Variants in PHACTR1 observed in about 807,000 individuals in gnomAD.
PHACTR1 encodes RPEL repeat containing 1.
PHACTR1 carries 16 observed loss-of-function variants against 69.2 expected under a neutral mutation model. That is an observed-to-expected ratio of 0.23 (90% CI 0.16 to 0.35). The LOEUF (loss-of-function observed/expected upper bound fraction) is 0.35. PHACTR1 is among the 10% of genes least tolerant of loss of function. The pLI is 1.00. For missense variants in PHACTR1, 510 were observed against 734.7 expected, an observed-to-expected ratio of 0.69 and a Z score of 3.54; for synonymous variants, 312 against 284.5, an observed-to-expected ratio of 1.10 and a Z score of -0.97.
At chr6:13,023,104 C>T (rs1801214129) in intron 4 of PHACTR1, among the ~76,000 whole-genome samples, 1 of 152,158 alleles carries the variant, frequency 6.6e-6, no homozygotes, top group Non-Finnish European at 1.5e-5. Context: ...GAAAATGACC[C>T]TGTAGATTAT....
At position 13,230,466 on chromosome 6, in the gene PHACTR1, A is replaced by T. The variant is rs190526404; in HGVS notation, c.1391+273A>T. 4 of 535,448 alleles carry T rather than the reference A, an allele frequency of 7.5e-6. No homozygotes were observed. The East Asian group carries it at 2.5e-4, about 34-fold the overall frequency. 33.2% of individuals were successfully genotyped at this position (535,448 alleles called of 1,614,324 possible). The stretch of plus-strand genomic sequence containing the variant: ...GAGGCTGAGGCAGGAGGATTGCTTG[A>T]ATCTGGGAGGTGTAGGTTCCAGTGA... On this transcript the variant is annotated intron_variant, in intron 10 of 14. Transcript: ENST00000332995.
intron 4 of PHACTR1, among the ~76,000 whole-genome samples, chr6:12,967,981 T>C (rs946886659): frequency 5.9e-5 from 9 of 152,214 alleles, no homozygotes; most frequent in African/African-American, 2.2e-4. Context: ...GATTTGGTTG[T>C]CGGGGCAGAA....
At chr6:12,888,447 G>A (rs1783856258) in intron 4 of PHACTR1, among the ~76,000 whole-genome samples, 4 of 152,170 alleles carry the variant, frequency 2.6e-5, no homozygotes, top group Admixed American at 2.0e-4. Context: ...ACTAAGACAT[G>A]TATCATTTAA....
At chr6:13,231,072 G>A in intron 10 of PHACTR1, among the ~76,000 whole-genome samples, 1 of 6,318 alleles carries the variant, frequency 1.6e-4, no homozygotes, top group South Asian at 0.01. Context: ...AGGAAGGAAG[G>A]AAGGAAGGAA....
chr6:13,134,472 C>T (rs966946752), intron 5 of PHACTR1, among the ~76,000 whole-genome samples: 1 of 152,176 alleles, frequency 6.6e-6, no homozygotes, highest in Non-Finnish European at 1.5e-5. Context: ...CCTTGGGATG[C>T]TGTTAATCTA....
In PHACTR1 at chr6:13,041,976, T is replaced by A. The variant is rs73366296; in HGVS notation, c.251-11389T>A. On this transcript the variant is annotated intron_variant, in intron 4 of 14. Transcript: ENST00000332995. ...TCAACATTTGATAAATTGTGTTTCATGGAACACAAGTCTATAAGACCTTAA... is the reference window on the plus strand; with the variant it reads ...TCAACATTTGATAAATTGTGTTTCAAGGAACACAAGTCTATAAGACCTTAA... 4.6e-5 allele frequency among the ~76,000 whole-genome samples: 7 copies of A among 152,308 alleles called. No individual in the cohort carries two copies. The South Asian group carries it at 1.5e-3, about 32-fold the overall frequency.
At chr6:12,759,945 C>T (rs1175876450) in intron 4 of PHACTR1, among the ~76,000 whole-genome samples, 1 of 152,204 alleles carries the variant, frequency 6.6e-6, no homozygotes, top group Non-Finnish European at 1.5e-5. Context: ...TTTAACTTCT[C>T]CCTTCCTCAA....
chr6:12,753,846 G>A (rs760025192), intron 4 of PHACTR1, among the ~76,000 whole-genome samples: 4 of 151,762 alleles, frequency 2.6e-5, no homozygotes, highest in Admixed American at 1.3e-4. Context: ...CACCCTTATC[G>A]CTTAGCTAAA....
rs768613490 is a variant in PHACTR1, at chr6:13,286,241, T to G, written c.1727+19T>G. The G allele has an allele frequency of 3.3e-6, 5 of 1,522,838 alleles. No individual in the cohort carries two copies. The South Asian group carries it at 3.8e-5, about 12-fold the overall frequency. 94.3% of individuals were successfully genotyped at this position (1,522,838 alleles called of 1,614,324 possible). On this transcript the variant is annotated intron_variant, in intron 14 of 14. Transcript: ENST00000332995. ...TAACAAGGTTAGTATTAAGGGTTTTTTTTTTCCTTTTTTTCCCTCAAGTTG... is the reference window on the plus strand; with the variant it reads ...TAACAAGGTTAGTATTAAGGGTTTTGTTTTTCCTTTTTTTCCCTCAAGTTG...
intron 4 of PHACTR1, among the ~76,000 whole-genome samples, chr6:12,778,956 G>T (rs1353724113): frequency 6.6e-6 from 1 of 152,226 alleles, no homozygotes; most frequent in African/African-American, 2.4e-5. Context: ...GGCCAGGCAG[G>T]ATTTCAGCCC....
intron 4 of PHACTR1, among the ~76,000 whole-genome samples, chr6:12,829,549 G>A (rs544397806): frequency 1.3e-5 from 2 of 152,270 alleles, no homozygotes; most frequent in African/African-American, 2.4e-5. Flanking sequence ...TTGGAGTATG[G>A]AATAACAGTA....
At chr6:12,746,086 G>A (rs1765753391) in intron 3 of PHACTR1, among the ~76,000 whole-genome samples, 1 of 152,208 alleles carries the variant, frequency 6.6e-6, no homozygotes, top group Admixed American at 6.5e-5. Context: ...CATGAAAAGG[G>A]ACTGACTGTG....
At chr6:12,838,957 T>C (rs1778434545) in intron 4 of PHACTR1, among the ~76,000 whole-genome samples, 1 of 152,206 alleles carries the variant, frequency 6.6e-6, no homozygotes, top group Admixed American at 6.5e-5. Context: ...CTGCTGCCAA[T>C]GATGATGGTA....
chr6:12,970,767 C>G (rs191170263), intron 4 of PHACTR1, among the ~76,000 whole-genome samples: 55 of 152,198 alleles, frequency 3.6e-4, no homozygotes, highest in Admixed American at 3.4e-3. Context: ...AACAAACAAG[C>G]AAACAAACAA....
At position 13,234,580 on chromosome 6, in the gene PHACTR1, G is replaced by C. The variant is rs144370850; in HGVS notation, c.1391+4387G>C. ...AAGAATAATCCCAAATTGAGGGTGAGGAATGGGAAACAGAAACACCAAGTA... is the reference window on the plus strand; with the variant it reads ...AAGAATAATCCCAAATTGAGGGTGACGAATGGGAAACAGAAACACCAAGTA... On this transcript the variant is annotated intron_variant, in intron 10 of 14. Coordinates refer to ENST00000332995, the MANE Select transcript of PHACTR1 (RefSeq NM_030948.6). Among the ~76,000 whole-genome samples the C allele has an allele frequency of 2.3e-3, 354 of 152,022 alleles. 1 individual carries two copies. The highest frequency in any genetic ancestry group is 8.0e-3 in the African/African-American group (331 of 41,482).
chr6:12,965,395 C>T (rs1793320167), intron 4 of PHACTR1, among the ~76,000 whole-genome samples: 1 of 151,150 alleles, frequency 6.6e-6, no homozygotes, highest in African/African-American at 2.4e-5. Flanking sequence ...GAGGCTCTGC[C>T]TCCCTGTTTG....
At chr6:12,917,500 C>A (rs1360173768) in intron 4 of PHACTR1, among the ~76,000 whole-genome samples, 2 of 152,158 alleles carry the variant, frequency 1.3e-5, no homozygotes, top group Non-Finnish European at 2.9e-5. Context: ...CACCTATAAT[C>A]CCAGTGCTTT....
At chr6:13,281,205 G>GA in intron 12 of PHACTR1, 1 of 1,142,634 alleles carries the variant, frequency 8.8e-7, no homozygotes, top group Non-Finnish European at 1.1e-6. Flanking sequence ...TCCAGGAAGA[G>GA]AAATTTGAAA....
At chr6:13,021,504 TG>T (rs1328912340) in intron 4 of PHACTR1, among the ~76,000 whole-genome samples, 1 of 152,242 alleles carries the variant, frequency 6.6e-6, no homozygotes, top group Non-Finnish European at 1.5e-5. Flanking sequence ...AGCTTTAGCA[TG>T]GACACAGGTT....
Sources: gnomAD v4.1 joint callset for allele counts (sites outside exome capture counted in the v4.1 genomes callset) on GRCh38, gnomAD v4.1.1 for gene constraint, MANE v1.5 for transcripts, NCBI Gene and HGNC (gene_info 2026-07-23, HGNC 2026-07-21) for gene names.